ILRUN: variants seen among roughly 807,000 people sequenced by gnomAD.
ILRUN encodes inflammation and lipid regulator with UBA-like and NBR1-like domains.
ILRUN carries 3 observed loss-of-function variants against 33.8 expected under a neutral mutation model. The observed-to-expected ratio is 0.09, with a 90% CI of 0.04 to 0.23. The LOEUF (loss-of-function observed/expected upper bound fraction) is 0.23, where lower values mean the gene tolerates loss of function less well. Among genes scored for constraint, ILRUN ranks in the 10% least tolerant of loss-of-function variants. The pLI is 1.00. For missense variants in ILRUN, 210 were observed against 375.1 expected (o/e 0.56, Z 3.64); for synonymous variants, 124 against 138.9 (o/e 0.89, Z 0.75).
chr6:34,695,841 C>T (rs1457674287), intron 1 of ILRUN, among the ~76,000 whole-genome samples: 1 of 151,938 alleles, frequency 6.6e-6, no homozygotes, highest in Non-Finnish European at 1.5e-5. Context: ...ATCTCCCTCA[C>T]CATACCCCCT....
chr6:34,624,830 G>A (rs1762082481), intron 3 of ILRUN, among the ~76,000 whole-genome samples: 1 of 152,158 alleles, frequency 6.6e-6, no homozygotes, highest in Admixed American at 6.5e-5. Flanking sequence ...TGAACAAAAA[G>A]TATAAAACAT....
At chr6:34,678,852 A>G (rs1763296752) in intron 1 of ILRUN, among the ~76,000 whole-genome samples, 1 of 150,460 alleles carries the variant, frequency 6.6e-6, no homozygotes, top group South Asian at 2.1e-4. Context: ...AAAAAAAAAA[A>G]AAAAAAAGAA....
In ILRUN at chr6:34,650,002, T is replaced by G. The variant is rs376756875; in HGVS notation, c.314-3204A>C. Among the ~76,000 whole-genome samples, 10 of 152,198 alleles carry G rather than the reference T, an allele frequency of 6.6e-5. No homozygotes were observed. The East Asian group carries it at 1.2e-3, about 18-fold the overall frequency. On this transcript the variant is annotated intron_variant, in intron 2 of 4. Coordinates refer to ENST00000374023, the MANE Select transcript of ILRUN (RefSeq NM_024294.4). ...TCCCTTTATATTCACTTCTATGAAGTTCAAAAAATAAAGACGACTCTGTAT... is the reference window on the plus strand; with the variant it reads ...TCCCTTTATATTCACTTCTATGAAGGTCAAAAAATAAAGACGACTCTGTAT...
intron 4 of ILRUN, among the ~76,000 whole-genome samples, chr6:34,602,019 C>A (rs1761520047): frequency 6.6e-6 from 1 of 152,194 alleles, no homozygotes; most frequent in African/African-American, 2.4e-5. Flanking sequence ...TAATAAGTTT[C>A]TCCTTCTGAA....
chr6:34,641,167 G>C (rs1444344805), intron 3 of ILRUN, among the ~76,000 whole-genome samples: 1 of 149,700 alleles, frequency 6.7e-6, no homozygotes, highest in African/African-American at 2.5e-5. Context: ...TGTTAAAACA[G>C]AAAGATGAGG....
Position 34,590,588 on chromosome 6 carries a change from G to A in ILRUN, c.874C>T (p.Pro292Ser). 1 of 1,611,386 alleles carries A rather than the reference G, an allele frequency of 6.2e-7. No homozygotes were observed. Among genetic ancestry groups the A allele is most frequent in the South Asian group, 1.1e-5 (1 of 91,032 alleles). ...VVTYSKGLHG[P>S]YPFGQS ...GTTTAAGACTGGCCGAAGGGGTAAG[G>A]CCCATGGAGCCCCTGGAAGAGAGTG... The change falls in exon 5 of 5, where the codon CCT (proline) becomes TCT (serine). Residue 292 changes from proline (P) to serine (S), a missense_variant. By Grantham distance (74) the Pro-to-Ser change is moderately conservative. This residue lies in a region of ILRUN where 81 missense variants were observed against 97.0 expected (regional missense o/e 0.84). Coordinates refer to ENST00000374023, the MANE Select transcript of ILRUN (RefSeq NM_024294.4).
rs182583638 is a variant in ILRUN, at chr6:34,647,090, A to C, written c.314-292T>G. Among the ~76,000 whole-genome samples the C allele has an allele frequency of 1.0e-3, 156 of 152,270 alleles. 1 individual carries two copies. The highest frequency in any genetic ancestry group is 3.8e-3 in the Admixed American group (58 of 15,284). On this transcript the variant is annotated intron_variant, in intron 2 of 4. Coordinates refer to ENST00000374023, the MANE Select transcript of ILRUN (RefSeq NM_024294.4). ...CCAGGGAAGGCCACACGTCACACTG[A>C]ATCTGTAGAACCTAAGAATGATGTC...
intron 1 of ILRUN, among the ~76,000 whole-genome samples, chr6:34,683,429 C>CATAT (rs202177741): frequency 8.7e-5 from 8 of 92,088 alleles, no homozygotes; most frequent in Admixed American, 4.4e-4. Flanking sequence ...CATATATATA[C>CATAT]ATATATATAT....
chr6:34,611,473 C>T (rs552461078), intron 3 of ILRUN, among the ~76,000 whole-genome samples: 237 of 152,272 alleles, frequency 1.6e-3, no homozygotes, highest in Middle Eastern at 0.014. Context: ...ACAACTTCTA[C>T]GTGGTACAAT....
chr6:34,637,843 T>TGCTGCTGCTGC (rs1562012558), intron 3 of ILRUN, among the ~76,000 whole-genome samples: 9 of 141,244 alleles, frequency 6.4e-5, no homozygotes, highest in African/African-American at 1.8e-4. Flanking sequence ...GCTGTTGTTG[T>TGCTGCTGCTGC]TGCTGCTGCT....
At chr6:34,609,655 AAACTT>A (rs1341414812) in intron 3 of ILRUN, among the ~76,000 whole-genome samples, 1 of 152,196 alleles carries the variant, frequency 6.6e-6, no homozygotes, top group Non-Finnish European at 1.5e-5. Flanking sequence ...ACAACCATAA[AAACTT>A]AAGAGGTTTG....
intron 3 of ILRUN, among the ~76,000 whole-genome samples, chr6:34,628,301 A>G (rs1419099780): frequency 6.6e-6 from 1 of 151,060 alleles, no homozygotes; most frequent in Non-Finnish European, 1.5e-5. Context: ...GATTACAGCC[A>G]TGAGTCACTG....
chr6:34,653,737 T>G (rs1280937305), intron 2 of ILRUN, among the ~76,000 whole-genome samples: 2 of 151,992 alleles, frequency 1.3e-5, no homozygotes, highest in African/African-American at 4.8e-5. Flanking sequence ...ATATCAGCTA[T>G]CCAAGTGAGA....
At position 34,646,476 on chromosome 6, in the gene ILRUN, G is replaced by A; in HGVS notation, c.511+125C>T. On this transcript the variant is annotated intron_variant, in intron 3 of 4. Coordinates refer to ENST00000374023, the MANE Select transcript of ILRUN (RefSeq NM_024294.4). This position sits in a 1 kb window ranked among gnomAD's most constrained non-coding sequence, Gnocchi z 4.9. ...TAAAATGCAAATCATTTACCTGCAT[G>A]AGGTGACTGTTAAAAAGAGGCCATG... The A allele has an allele frequency of 1.3e-6, 1 of 771,530 alleles. No homozygotes were observed. The highest frequency in any genetic ancestry group is 2.1e-6 in the Non-Finnish European group (1 of 477,856). 47.8% of individuals were successfully genotyped at this position (771,530 alleles called of 1,614,324 possible).
intron 3 of ILRUN, among the ~76,000 whole-genome samples, chr6:34,632,142 T>C (rs1271501053): frequency 6.6e-6 from 1 of 152,152 alleles, no homozygotes; most frequent in Non-Finnish European, 1.5e-5. Context: ...TGGAAATGCA[T>C]ACATTAACAG....
At chr6:34,629,660 G>C (rs1280581794) in intron 3 of ILRUN, among the ~76,000 whole-genome samples, 4 of 152,132 alleles carry the variant, frequency 2.6e-5, no homozygotes, top group African/African-American at 9.7e-5. Flanking sequence ...GCATTATCCT[G>C]TTTGGTGTTC....
Position 34,678,836 on chromosome 6 carries a change from C to CAA in ILRUN, c.158+17608_158+17609dup, listed in dbSNP as rs767799882. 9.5e-3 allele frequency among the ~76,000 whole-genome samples: 447 copies of CAA among 47,178 alleles called. 15 individuals carry two copies. The highest frequency in any genetic ancestry group is 0.016 in the African/African-American group (189 of 11,770). The allele number at this position is 47,178 out of a possible 152,430, so 31.0% of individuals were successfully genotyped here. ...CGCCACTGTACTCCAGACTCCGTCT[C>CAA]AAAAAAAAAAAAAAAAAAAAAAAGA... On this transcript the variant is annotated intron_variant, in intron 1 of 4. Coordinates refer to ENST00000374023, the MANE Select transcript of ILRUN (RefSeq NM_024294.4).
intron 2 of ILRUN, among the ~76,000 whole-genome samples, chr6:34,653,590 T>C (rs1440987651): frequency 6.6e-6 from 1 of 152,180 alleles, no homozygotes; most frequent in Non-Finnish European, 1.5e-5. Context: ...GTTTTTCTTG[T>C]ATTTTTTTCT....
intron 4 of ILRUN, among the ~76,000 whole-genome samples, chr6:34,594,544 T>C (rs569835615): frequency 1.3e-5 from 2 of 152,282 alleles, no homozygotes; most frequent in Admixed American, 1.3e-4. Context: ...CCACATCTGC[T>C]AGGGGATATG....
Sources: gnomAD v4.1 joint callset for allele counts (sites outside exome capture counted in the v4.1 genomes callset) on GRCh38, gnomAD v4.1.1 for gene constraint, gnomAD v4.1.1 regional missense constraint, Gnocchi (gnomAD v3.1) non-coding constraint, MANE v1.5 for transcripts, NCBI Gene and HGNC (gene_info 2026-07-23, HGNC 2026-07-21) for gene names.